ST3GAL1: variants seen among roughly 807,000 people sequenced by gnomAD.
The protein encoded by ST3GAL1 is ST3 beta-galactoside alpha-2,3-sialyltransferase 1.
A neutral mutation model predicts 34.1 loss-of-function variants in ST3GAL1; 16 were observed. The ratio of observed to expected loss-of-function variants is 0.47; its 90% CI spans 0.32 to 0.71. The LOEUF is 0.71. Ranked by LOEUF, ST3GAL1 falls within the 30% of genes least tolerant of loss-of-function variation. The probability of loss-of-function intolerance (pLI) is 0.04; values close to 1 mark genes in which losing one functional copy is unlikely to be tolerated. For synonymous variants in ST3GAL1, 191 were observed against 184.7 expected (o/e 1.03, Z -0.28); for missense variants, 353 against 447.4 (o/e 0.79, Z 1.90).
intron 2 of ST3GAL1, among the ~76,000 whole-genome samples, chr8:133,538,685 T>C (rs1818378461): frequency 6.6e-6 from 1 of 152,216 alleles, no homozygotes; most frequent in Non-Finnish European, 1.5e-5. Context: ...CACCAAAAAT[T>C]AGAGCATTCC....
chr8:133,487,046 C>T (rs750946259), intron 3 of ST3GAL1, among the ~76,000 whole-genome samples: 5 of 152,168 alleles, frequency 3.3e-5, no homozygotes, highest in Non-Finnish European at 2.9e-5. Context: ...CGGATTCAAG[C>T]GATTCTCCTG....
intron 2 of ST3GAL1, among the ~76,000 whole-genome samples, chr8:133,530,526 A>C (rs1818121346): frequency 6.6e-6 from 1 of 151,780 alleles, no homozygotes; most frequent in African/African-American, 2.4e-5. Flanking sequence ...CAGGTGATCC[A>C]CTCGCCTCGG....
intron 2 of ST3GAL1, among the ~76,000 whole-genome samples, chr8:133,519,558 G>A (rs1289530067): frequency 6.6e-6 from 1 of 152,218 alleles, no homozygotes; most frequent in Non-Finnish European, 1.5e-5. Flanking sequence ...GCTGGCATGA[G>A]TCAGGAAATA....
At chr8:133,561,560 T>C (rs1050687974) in intron 1 of ST3GAL1, among the ~76,000 whole-genome samples, 12 of 152,174 alleles carry the variant, frequency 7.9e-5, no homozygotes, top group African/African-American at 2.4e-4. Context: ...TGTTATGTTA[T>C]GTTACGTTAT....
intron 2 of ST3GAL1, among the ~76,000 whole-genome samples, chr8:133,502,132 A>G (rs961248017): frequency 3.9e-5 from 6 of 152,190 alleles, no homozygotes; most frequent in African/African-American, 1.4e-4. Context: ...TGCAGGGAAT[A>G]GCCAATATGA....
chr8:133,473,171 C>A (rs1816031360), intron 5 of ST3GAL1, among the ~76,000 whole-genome samples: 2 of 152,164 alleles, frequency 1.3e-5, no homozygotes, highest in Non-Finnish European at 2.9e-5. Flanking sequence ...TCCCTTACGC[C>A]TTTTTAACCC....
intron 1 of ST3GAL1, among the ~76,000 whole-genome samples, chr8:133,550,113 C>T (rs72720283): frequency 8.3e-4 from 127 of 152,324 alleles, no homozygotes; most frequent in Non-Finnish European, 1.6e-3. Context: ...CTTTCTGCCC[C>T]AGATCCCAGG....
intron 2 of ST3GAL1, among the ~76,000 whole-genome samples, chr8:133,539,479 T>A (rs1818404749): frequency 6.6e-6 from 1 of 152,208 alleles, no homozygotes; most frequent in Non-Finnish European, 1.5e-5. Flanking sequence ...TATTTCAAAG[T>A]CATAACTTTG....
rs1263760172 is a variant in ST3GAL1, at chr8:133,570,602, C to T, written c.-582+1091G>A. On this transcript the variant is annotated intron_variant, in intron 1 of 9. Coordinates refer to ENST00000522652, the MANE Select transcript of ST3GAL1 (RefSeq NM_173344.3). The surrounding 1 kb of genome is among the most constrained non-coding windows in gnomAD (Gnocchi z 5.6). ...CTTCCTGGGAGACCCGGCTGCAAGG[C>T]CAGGCTAATGCGCGCTCCGACGTCT... 6.6e-6 allele frequency among the ~76,000 whole-genome samples: 1 copy of T among 152,194 alleles called. No homozygotes were observed. Among genetic ancestry groups the T allele is most frequent in the Non-Finnish European group, 1.5e-5 (1 of 68,036 alleles).
intron 1 of ST3GAL1, among the ~76,000 whole-genome samples, chr8:133,559,180 C>T (rs775434307): frequency 6.6e-6 from 1 of 152,120 alleles, no homozygotes; most frequent in Non-Finnish European, 1.5e-5. Context: ...AGATACTTAA[C>T]TCTTGTTTAT....
intron 1 of ST3GAL1, among the ~76,000 whole-genome samples, chr8:133,564,135 G>A (rs1819323689): frequency 6.6e-6 from 1 of 152,164 alleles, no homozygotes; most frequent in African/African-American, 2.4e-5. Context: ...ACAAAACTAA[G>A]TTGTCATCTG....
intron 9 of ST3GAL1, among the ~76,000 whole-genome samples, 185 bp from the exon 10 acceptor site, chr8:133,460,122 A>G (rs958123556): frequency 2.6e-5 from 4 of 152,222 alleles, no homozygotes; most frequent in Non-Finnish European, 5.9e-5. Context: ...TTGGTGAAGC[A>G]AATGCAAGTT....
chr8:133,505,384 G>A (rs977200547), intron 2 of ST3GAL1, among the ~76,000 whole-genome samples: 14 of 152,150 alleles, frequency 9.2e-5, no homozygotes, highest in Admixed American at 6.6e-5. Flanking sequence ...AAGCAAGCCC[G>A]TGGGTCTTGG....
chr8:133,497,125 G>C (rs1005017857), intron 3 of ST3GAL1, among the ~76,000 whole-genome samples: 2 of 152,196 alleles, frequency 1.3e-5, no homozygotes, highest in African/African-American at 4.8e-5. Flanking sequence ...ACCCCTACCT[G>C]GGCCCTGTCT....
Position 133,457,811 on chromosome 8 carries a change from C to A in ST3GAL1, c.*1953G>T, listed in dbSNP as rs1815356798. The A allele has an allele frequency of 2.0e-5, 3 of 152,236 alleles. No individual in the cohort carries two copies. Among genetic ancestry groups the A allele is most frequent in the South Asian group, 4.1e-4 (2 of 4,826 alleles). The allele number at this position is 152,236 out of a possible 1,614,324, so 9.4% of individuals were successfully genotyped here. A position where few individuals can be genotyped will look rare whatever the true frequency, so the allele number is the denominator to read the frequency against. On this transcript the variant is annotated 3_prime_UTR_variant, in exon 10 of 10. Coordinates refer to ENST00000522652, the MANE Select transcript of ST3GAL1 (RefSeq NM_173344.3). ...CCATGACTGATGTCCCCAAGTTCCT[C>A]CCTCCCCGTGTGCAGAGGGGGCTCC...
At chr8:133,500,491 G>T (rs1817115004) in intron 2 of ST3GAL1, among the ~76,000 whole-genome samples, 1 of 152,222 alleles carries the variant, frequency 6.6e-6, no homozygotes, top group Non-Finnish European at 1.5e-5. Context: ...GAAGGTTATA[G>T]GGAGGAGACA....
intron 2 of ST3GAL1, among the ~76,000 whole-genome samples, chr8:133,513,357 G>A (rs1487885195): frequency 6.6e-6 from 1 of 152,066 alleles, no homozygotes; most frequent in East Asian, 1.9e-4. Flanking sequence ...CACTGCTGGG[G>A]CATTACACTT....
In ST3GAL1 at chr8:133,521,412, C is replaced by T. The variant is rs1043585539; in HGVS notation, c.-428-22223G>A. Among the ~76,000 whole-genome samples the T allele has an allele frequency of 2.6e-5, 4 of 152,334 alleles. No individual in the cohort carries two copies. The South Asian group carries it at 8.3e-4, about 32-fold the overall frequency. ...CTCTTGGGTTCAAGCAATTCTCCTG[C>T]CTCAGCCTCCTGAGTAGCTGGGATT... On this transcript the variant is annotated intron_variant, in intron 2 of 9. Coordinates refer to ENST00000522652, the MANE Select transcript of ST3GAL1 (RefSeq NM_173344.3).
intron 2 of ST3GAL1, among the ~76,000 whole-genome samples, chr8:133,516,968 A>G (rs1044434040): frequency 6.6e-6 from 1 of 152,222 alleles, no homozygotes; most frequent in South Asian, 2.1e-4. Flanking sequence ...TTCAGGGTGA[A>G]CATATTAGTT....
Sources: gnomAD v4.1 joint callset for allele counts (sites outside exome capture counted in the v4.1 genomes callset) on GRCh38, gnomAD v4.1.1 for gene constraint, Gnocchi (gnomAD v3.1) non-coding constraint, MANE v1.5 for transcripts, NCBI Gene and HGNC (gene_info 2026-07-23, HGNC 2026-07-21) for gene names.